LEPR: variants seen among roughly 807,000 people sequenced by gnomAD.
LEPR encodes the protein OB receptor.
In LEPR, 56 loss-of-function variants were observed where a neutral mutation model predicts 114.7. The observed-to-expected ratio is 0.49, with a 90% CI of 0.39 to 0.61. The LOEUF is 0.61. LEPR is among the 20% of genes least tolerant of loss of function. The probability of loss-of-function intolerance (pLI) is 0.00; values close to 1 mark genes in which losing one functional copy is unlikely to be tolerated. For missense variants in LEPR, 1,202 were observed against 1,352.9 expected, an observed-to-expected ratio of 0.89 and a Z score of 1.75; for synonymous variants, 443 against 461.4, an observed-to-expected ratio of 0.96 and a Z score of 0.51.
intron 2 of LEPR, chr1:65,431,805 C>A (rs781569458): frequency 6.2e-7 from 1 of 1,611,844 alleles, no homozygotes; most frequent in South Asian, 1.1e-5. Flanking sequence ...TCTTTCAGAT[C>A]AAATGGGGAG....
At chr1:65,588,998 G>GTT (rs1655508098) in intron 5 of LEPR, among the ~76,000 whole-genome samples, 1 of 152,066 alleles carries the variant, frequency 6.6e-6, no homozygotes, top group Non-Finnish European at 1.5e-5. Flanking sequence ...GTGCCAAACT[G>GTT]TTTTCCAAAA....
chr1:65,467,502 TGAG>T (rs1647029671), intron 2 of LEPR, among the ~76,000 whole-genome samples: 1 of 152,262 alleles, frequency 6.6e-6, no homozygotes, highest in South Asian at 2.1e-4. Context: ...GGGACCCACT[TGAG>T]GAGGCAGTCT....
Position 65,601,593 on chromosome 1 carries a change from C to G in LEPR, c.1196C>G (p.Thr399Ser). ...SKVTFFNLNE[T>S]KPRGKFTYDA... ...GTTACTTTTTTCAATCTGAATGAAA[C>G]CAAACCTCGAGGAAAGTTTACCTAT... Residue 399 changes from threonine to serine, a missense_variant, in exon 9 of 20, where the codon ACC (threonine) becomes AGC (serine). Coordinates refer to ENST00000349533, the MANE Select transcript of LEPR (RefSeq NM_002303.6). 1 of 1,613,742 alleles carries G rather than the reference C, an allele frequency of 6.2e-7. No individual in the cohort carries two copies. Among genetic ancestry groups the G allele is most frequent in the Non-Finnish European group, 8.5e-7 (1 of 1,179,756 alleles).
At chr1:65,629,321 T>A in intron 19 of LEPR, 1 of 445,528 alleles carries the variant, frequency 2.2e-6, no homozygotes, top group Non-Finnish European at 4.5e-6. Context: ...AAGTTTATGT[T>A]TTTCCTTAAG....
chr1:65,578,506 G>A (rs754118499), intron 5 of LEPR: 1 of 174,864 alleles, frequency 5.7e-6, no homozygotes. Flanking sequence ...GAGCTGCCCA[G>A]GGGGTGAGGA....
At chr1:65,571,791 C>CAA (rs34139057) in intron 4 of LEPR, among the ~76,000 whole-genome samples, 6 of 73,692 alleles carry the variant, frequency 8.1e-5, no homozygotes, top group African/African-American at 3.2e-4. Context: ...CCATCTCTAC[C>CAA]AAAAAAAAAA....
intron 2 of LEPR, among the ~76,000 whole-genome samples, chr1:65,560,078 T>C (rs955845467): frequency 2.9e-5 from 4 of 139,034 alleles, no homozygotes; most frequent in African/African-American, 1.1e-4. Context: ...TTTTTTCCAA[T>C]TCTGTGAAGA....
chr1:65,535,380 T>C (rs1225417311), intron 2 of LEPR, among the ~76,000 whole-genome samples: 1 of 151,290 alleles, frequency 6.6e-6, no homozygotes, highest in Non-Finnish European at 1.5e-5. Flanking sequence ...GAAAATATTT[T>C]TTTAAGACAG....
intron 2 of LEPR, among the ~76,000 whole-genome samples, chr1:65,455,050 T>A (rs1646848435): frequency 6.6e-6 from 1 of 152,360 alleles, no homozygotes; most frequent in East Asian, 1.9e-4. Flanking sequence ...CCATCGCTGA[T>A]ACCCTTTCTT....
rs1656980225 is a variant in LEPR, at chr1:65,608,686, C to T, written c.1604-67C>T. On this transcript the variant is annotated intron_variant, in intron 11 of 19. Coordinates refer to ENST00000349533, the MANE Select transcript of LEPR (RefSeq NM_002303.6). Reference sequence around the variant, plus strand: ...TGAATACAGATGTATGAAAATATAACACAATGTTTTTAGGCATTATTACTA... The same window carrying T: ...TGAATACAGATGTATGAAAATATAATACAATGTTTTTAGGCATTATTACTA... The T allele has an allele frequency of 1.7e-5, 26 of 1,510,748 alleles. 1 individual carries two copies. The South Asian group carries it at 3.1e-4, about 18-fold the overall frequency. 93.6% of individuals were successfully genotyped at this position (1,510,748 alleles called of 1,614,324 possible). A position where few individuals can be genotyped will look rare whatever the true frequency, so the allele number is the denominator to read the frequency against.
chr1:65,624,282 A>G (rs1294418832), intron 19 of LEPR, among the ~76,000 whole-genome samples: 1 of 152,134 alleles, frequency 6.6e-6, no homozygotes, highest in Non-Finnish European at 1.5e-5. Flanking sequence ...ATTATTGTAC[A>G]TATTTATGTA....
chr1:65,607,213 G>A (rs6661050), intron 11 of LEPR, among the ~76,000 whole-genome samples: 1 of 152,038 alleles, frequency 6.6e-6, no homozygotes, highest in African/African-American at 2.4e-5. Flanking sequence ...TGTTGGTGGT[G>A]GTTTGTTGGT....
At chr1:65,475,003 T>A (rs1358784690) in intron 2 of LEPR, among the ~76,000 whole-genome samples, 7 of 68,950 alleles carry the variant, frequency 1.0e-4, no homozygotes, top group African/African-American at 3.7e-4. Flanking sequence ...CGAGACTCCA[T>A]CTCAAAAAAA....
chr1:65,594,485 A>C (rs1655916173), intron 6 of LEPR, among the ~76,000 whole-genome samples: 1 of 152,018 alleles, frequency 6.6e-6, no homozygotes, highest in South Asian at 2.1e-4. Context: ...TGAAGGACAG[A>C]GGGGTATCAA....
At chr1:65,545,528 G>A (rs1015155857) in intron 2 of LEPR, among the ~76,000 whole-genome samples, 2 of 151,782 alleles carry the variant, frequency 1.3e-5, no homozygotes, top group African/African-American at 4.8e-5. Context: ...ATCTCATTGT[G>A]GTTTTGATTT....
At chr1:65,492,460 A>G (rs1570553121) in intron 2 of LEPR, among the ~76,000 whole-genome samples, 2 of 152,106 alleles carry the variant, frequency 1.3e-5, no homozygotes, top group Non-Finnish European at 2.9e-5. Flanking sequence ...TAACAGCAAT[A>G]ATCAAGATAA....
intron 16 of LEPR, among the ~76,000 whole-genome samples, chr1:65,619,236 G>A (rs1570834602): frequency 6.6e-6 from 1 of 152,114 alleles, no homozygotes; most frequent in Admixed American, 6.5e-5. Context: ...CTGATGCGCA[G>A]GTAGTTTCTC....
intron 2 of LEPR, among the ~76,000 whole-genome samples, chr1:65,502,145 A>G (rs1317805093): frequency 6.6e-6 from 1 of 152,134 alleles, no homozygotes; most frequent in African/African-American, 2.4e-5. Flanking sequence ...AGGTAACTGT[A>G]TTTGGAGGTA....
intron 7 of LEPR, 128 bp from the exon 8 acceptor site, chr1:65,598,532 G>T (rs1052627917): frequency 9.7e-6 from 13 of 1,346,318 alleles, no homozygotes; most frequent in Non-Finnish European, 1.3e-5. Context: ...TTTTAATTCC[G>T]CTGTGGCCAG....
Sources: allele counts gnomAD v4.1 joint callset (sites outside exome capture counted in the v4.1 genomes callset), GRCh38; gene constraint gnomAD v4.1.1; transcripts MANE v1.5; gene names NCBI Gene and HGNC (gene_info 2026-07-23, HGNC 2026-07-21).